SNX7: variants seen among roughly 807,000 people sequenced by gnomAD.
SNX7 encodes sorting nexin-7.
SNX7 carries 35 observed loss-of-function variants against 48.4 expected under a neutral mutation model. The observed-to-expected ratio is 0.72, with a 90% CI of 0.55 to 0.96. The LOEUF (loss-of-function observed/expected upper bound fraction) is 0.96. Ranked by LOEUF, SNX7 falls within the 40% of genes least tolerant of loss-of-function variation. SNX7 has a pLI of 0.00. For missense variants in SNX7, 553 were observed against 548.9 expected (o/e 1.01, Z -0.07); for synonymous variants, 190 against 190.2 (o/e 1.00, Z 0.01).
intron 1 of SNX7, 91 bp downstream of exon 1, chr1:98,662,002 C>A: frequency 8.3e-7 from 1 of 1,204,220 alleles, no homozygotes; most frequent in Non-Finnish European, 1.0e-6. Context: ...GGCGCGCTTG[C>A]CCTCCCGGGG....
chr1:98,667,272 A>G (rs4132517), intron 1 of SNX7, among the ~76,000 whole-genome samples: 8,519 of 152,304 alleles, frequency 0.056, 750 homozygotes, highest in African/African-American at 0.18. Context: ...GAAGTAGACT[A>G]TGGAATTTAA....
chr1:98,681,856 A>G (rs1650507960), intron 1 of SNX7, among the ~76,000 whole-genome samples: 1 of 152,194 alleles, frequency 6.6e-6, no homozygotes, highest in Admixed American at 6.5e-5. Context: ...ATGGTTAGGT[A>G]GGAGAGTATT....
At chr1:98,679,748 A>T (rs1378260502) in intron 1 of SNX7, among the ~76,000 whole-genome samples, 1 of 152,208 alleles carries the variant, frequency 6.6e-6, no homozygotes, top group Non-Finnish European at 1.5e-5. Flanking sequence ...TGTCTCACAT[A>T]CAGGTCACAC....
At position 98,685,767 on chromosome 1, in the gene SNX7, G is replaced by T. The variant is rs146585524; in HGVS notation, c.363+700G>T. ...TACATCTCTTTTTTTAGCTGAAAAA[G>T]TTCTGAACTATGTTTCTATAATCAC... On this transcript the variant is annotated intron_variant, in intron 2 of 8. Transcript: ENST00000306121. Among the ~76,000 whole-genome samples the T allele has an allele frequency of 6.5e-4, 99 of 152,056 alleles. 1 individual carries two copies. The highest frequency in any genetic ancestry group is 6.8e-3 in the Middle Eastern group (2 of 292).
intron 8 of SNX7, among the ~76,000 whole-genome samples, chr1:98,742,879 G>A (rs1158711131): frequency 6.6e-6 from 1 of 151,898 alleles, no homozygotes; most frequent in African/African-American, 2.4e-5. Context: ...AAAATGAATA[G>A]TATTTTGAGT....
chr1:98,750,187 AT>A (rs1038916608), intron 8 of SNX7, among the ~76,000 whole-genome samples: 42 of 152,066 alleles, frequency 2.8e-4, no homozygotes, highest in African/African-American at 9.6e-4. Flanking sequence ...ATATAATTAT[AT>A]TTTATTTTGA....
intron 8 of SNX7, among the ~76,000 whole-genome samples, chr1:98,752,399 A>G (rs1438490223): frequency 6.6e-6 from 1 of 152,038 alleles, no homozygotes; most frequent in African/African-American, 2.4e-5. Flanking sequence ...GAAACAGGCA[A>G]TTACATTTAT....
rs760333341 is a variant in SNX7 at position 98,760,017 on chromosome 1, A to AT, written c.1279-35dup. On this transcript the variant is annotated intron_variant, in intron 8 of 8. Transcript: ENST00000306121. ...AATCCTTTAACACTGAAAGTAAACTATTGTTGATTGCCTCATGGTGTGTTT... is the reference window on the plus strand; with the variant it reads ...AATCCTTTAACACTGAAAGTAAACTATTTGTTGATTGCCTCATGGTGTGTTT... 2.3e-6 allele frequency: 3 copies of AT among 1,325,708 alleles called. No homozygotes were observed. The African/African-American group carries it at 4.3e-5, about 19-fold the overall frequency. 82.1% of individuals were successfully genotyped at this position (1,325,708 alleles called of 1,614,324 possible). A position where few individuals can be genotyped will look rare whatever the true frequency, so the allele number is the denominator to read the frequency against.
chr1:98,689,191 C>G (rs905835483), intron 2 of SNX7, among the ~76,000 whole-genome samples: 1 of 152,198 alleles, frequency 6.6e-6, no homozygotes, highest in African/African-American at 2.4e-5. Context: ...GCGTGAGCCA[C>G]TGCGACATCT....
At chr1:98,708,364 T>C (rs1364318356) in intron 7 of SNX7, among the ~76,000 whole-genome samples, 1 of 152,150 alleles carries the variant, frequency 6.6e-6, no homozygotes, top group Non-Finnish European at 1.5e-5. Flanking sequence ...CCTCAAAACT[T>C]GTTGGTCAGA....
At chr1:98,667,541 A>T (rs1445344246) in intron 1 of SNX7, among the ~76,000 whole-genome samples, 9 of 143,056 alleles carry the variant, frequency 6.3e-5, no homozygotes, top group Non-Finnish European at 7.7e-5. Context: ...CACACCCAGC[A>T]TTTTTTTTTT....
intron 7 of SNX7, among the ~76,000 whole-genome samples, chr1:98,709,133 T>C (rs1022111519): frequency 1.3e-5 from 2 of 152,204 alleles, no homozygotes; most frequent in Non-Finnish European, 2.9e-5. Context: ...GGGTAATGCC[T>C]TCCGTAGAGT....
At chr1:98,741,532 C>A (rs1310955547) in intron 8 of SNX7, among the ~76,000 whole-genome samples, 1 of 152,080 alleles carries the variant, frequency 6.6e-6, no homozygotes, top group East Asian at 1.9e-4. Flanking sequence ...ATGTTGTTCC[C>A]ATTTTGTTCT....
At chr1:98,709,347 A>G (rs1652180418) in intron 7 of SNX7, among the ~76,000 whole-genome samples, 1 of 152,208 alleles carries the variant, frequency 6.6e-6, no homozygotes, top group African/African-American at 2.4e-5. Context: ...AAAGCGAGGC[A>G]GCAATTAGCT....
At chr1:98,722,836 A>G (rs2101009360) in intron 7 of SNX7, among the ~76,000 whole-genome samples, 1 of 152,260 alleles carries the variant, frequency 6.6e-6, no homozygotes, top group African/African-American at 2.4e-5. Context: ...AAATTTTATT[A>G]TTTTGCTCAA....
chr1:98,712,441 C>T (rs915158450), intron 7 of SNX7, among the ~76,000 whole-genome samples: 5 of 152,120 alleles, frequency 3.3e-5, no homozygotes, highest in Admixed American at 6.6e-5. Flanking sequence ...TGTACATTTC[C>T]GTCAGAGTTT....
intron 7 of SNX7, among the ~76,000 whole-genome samples, chr1:98,730,766 C>CA (rs1045256708): frequency 6.6e-6 from 1 of 151,886 alleles, no homozygotes; most frequent in African/African-American, 2.4e-5. Context: ...CAAACAAATG[C>CA]AAAAAACATT....
Position 98,695,503 on chromosome 1 carries a change from G to A in SNX7, c.640-15G>A, listed in dbSNP as rs755590808. 6.2e-7 allele frequency: 1 copy of A among 1,609,104 alleles called. No individual in the cohort carries two copies. On this transcript the variant is annotated splice_polypyrimidine_tract_variant and intron_variant, in intron 4 of 8. Coordinates refer to ENST00000306121, the MANE Select transcript of SNX7 (RefSeq NM_015976.5). ...AGACTTGTTTCACTAGAAATACTTG[G>A]TTTTTTGTTTCTAGGAACTCTCTTC...
chr1:98,719,516 A>G (rs570124873), intron 7 of SNX7, among the ~76,000 whole-genome samples: 191 of 152,170 alleles, frequency 1.3e-3, no homozygotes, highest in African/African-American at 4.3e-3. Flanking sequence ...TTTATCTGTC[A>G]GTGTCTGGTC....
Sources: gnomAD v4.1 joint callset for allele counts (sites outside exome capture counted in the v4.1 genomes callset) on GRCh38, gnomAD v4.1.1 for gene constraint, MANE v1.5 for transcripts, NCBI Gene and HGNC (gene_info 2026-07-23, HGNC 2026-07-21) for gene names.